Variants in ENGASE observed in about 807,000 individuals in gnomAD.
ENGASE encodes the protein cytosolic endo-beta-N-acetylglucosaminidase.
Under a neutral mutation model 78.5 loss-of-function variants are expected in ENGASE, and 69 were observed. The observed-to-expected ratio is 0.88, with a 90% CI of 0.72 to 1.07. The LOEUF (loss-of-function observed/expected upper bound fraction) is 1.07. Among genes scored for constraint, ENGASE ranks in the 50% least tolerant of loss-of-function variants. The pLI, the probability that ENGASE is intolerant of heterozygous loss-of-function variation, is 0.00. For synonymous variants in ENGASE, 408 were observed against 408.9 expected, an observed-to-expected ratio of 1.00 and a Z score of 0.03; for missense variants, 943 against 988.4, an observed-to-expected ratio of 0.95 and a Z score of 0.62.
At chr17:79,078,499 G>C (rs553307487) in intron 3 of ENGASE, among the ~76,000 whole-genome samples, 3 of 152,098 alleles carry the variant, frequency 2.0e-5, no homozygotes, top group Non-Finnish European at 4.4e-5. Flanking sequence ...CTGCCTGTCC[G>C]CAGCCTCACC....
intron 4 of ENGASE, 98 bp from the exon 5 acceptor site, chr17:79,080,109 G>GAT: frequency 7.5e-7 from 1 of 1,326,030 alleles, no homozygotes; most frequent in Non-Finnish European, 1.0e-6. Context: ...GTGGTCAGGT[G>GAT]ATACTGAAGC....
chr17:79,075,675 C>G (rs2145965106), intron 1 of ENGASE: 2 of 985,416 alleles, frequency 2.0e-6, no homozygotes, highest in Non-Finnish European at 2.4e-6. Flanking sequence ...GTAAACTCCC[C>G]CTCAGTAGGT....
intron 7 of ENGASE, 47 bp downstream of exon 7, chr17:79,082,110 T>G: frequency 6.2e-7 from 1 of 1,613,984 alleles, no homozygotes; most frequent in Non-Finnish European, 8.5e-7. Flanking sequence ...GTGCCTCCCC[T>G]GGGACCTCAT....
Position 79,081,042 on chromosome 17 carries a change from A to T in ENGASE, c.841A>T (p.Lys281Ter). 3 of 1,611,744 alleles carry T rather than the reference A, an allele frequency of 1.9e-6. No homozygotes were observed. The highest frequency in any genetic ancestry group is 2.5e-6 in the Non-Finnish European group (3 of 1,179,736). Reference sequence around the variant, plus strand: ...CAGCGTGGTGCAAAGTGGGCAGCTCAAATGGCAAGACGAACTCAACCAGCA... The same window carrying T: ...CAGCGTGGTGCAAAGTGGGCAGCTCTAATGGCAAGACGAACTCAACCAGCA... Reference protein sequence around the residue: ...YDSVVQSGQLKWQDELNQHNR... With the variant: ...YDSVVQSGQL The change falls in exon 6 of 14, where the codon AAA (lysine) becomes TAA (stop). Residue 281 changes from lysine (K) to a stop codon, truncating the protein, a stop_gained. Coordinates refer to ENST00000579016, the MANE Select transcript of ENGASE (RefSeq NM_001042573.3). LOFTEE classifies it high-confidence loss of function.
intron 3 of ENGASE, 40 bp downstream of exon 3, chr17:79,077,904 C>T: frequency 6.5e-7 from 1 of 1,538,046 alleles, no homozygotes; most frequent in Non-Finnish European, 8.8e-7. Flanking sequence ...TTACATTGTT[C>T]TCCTTTGCTG....
chr17:79,085,997 T>C lies in ENGASE; in HGVS notation c.1880T>C (p.Ile627Thr), dbSNP rs776776729. 1.2e-6 allele frequency: 2 copies of C among 1,610,778 alleles called. No individual in the cohort carries two copies. The highest frequency in any genetic ancestry group is 4.5e-5 in the East Asian group (2 of 44,860). Reference protein sequence around the residue: ...PQVQAVTISHIRWQPSASERE... With the variant: ...PQVQAVTISHTRWQPSASERE... The stretch of plus-strand genomic sequence containing the variant: ...GTGCAGGCCGTCACCATCTCTCACA[T>C]CCGCTGGCAGCCATCCGCCTCTGAG... Residue 627 changes from isoleucine to threonine, a missense_variant, in exon 14 of 14, where the codon ATC becomes ACC. Physicochemically the swap from Ile to Thr is moderately conservative, Grantham distance 89. Coordinates refer to ENST00000579016, the MANE Select transcript of ENGASE (RefSeq NM_001042573.3).
intron 7 of ENGASE, chr17:79,082,789 C>G (rs74001528): frequency 6.7e-7 from 1 of 1,482,380 alleles, no homozygotes; most frequent in Non-Finnish European, 9.0e-7. Context: ...CCCCTGCCCC[C>G]CTGCCCTTGC....
chr17:79,075,356 C>T (rs2072943731), intron 1 of ENGASE, among the ~76,000 whole-genome samples: 2 of 152,224 alleles, frequency 1.3e-5, no homozygotes, highest in Non-Finnish European at 2.9e-5. Context: ...CGAGTGGCCG[C>T]GGGGCCCAGC....
chr17:79,083,908 G>A lies in ENGASE; in HGVS notation c.1399G>A (p.Val467Ile), dbSNP rs202119017. 117 of 1,611,640 alleles carry A rather than the reference G, an allele frequency of 7.3e-5. No homozygotes were observed. The highest frequency in any genetic ancestry group is 1.9e-4 in the Middle Eastern group (1 of 5,208). Residue 467 changes from valine (V) to isoleucine (I), a missense_variant, in exon 10 of 14, where the codon GTC (valine) becomes ATC (isoleucine). Coordinates refer to ENST00000579016, the MANE Select transcript of ENGASE (RefSeq NM_001042573.3). The surrounding 1 kb of genome is among the most constrained non-coding windows in gnomAD (Gnocchi z 4.9). Reference sequence around the variant, plus strand: ...CTGGCACGGAGGCAGCTCCCTGCTCGTCCGGGGTGTGATCCCACCGGAGGT... The same window carrying A: ...CTGGCACGGAGGCAGCTCCCTGCTCATCCGGGGTGTGATCCCACCGGAGGT... ...DAWHGGSSLLVRGVIPPEVGN... is the reference protein window; with the variant it reads ...DAWHGGSSLLIRGVIPPEVGN...
rs201536028 is a variant in ENGASE, at chr17:79,080,350, G to C, written c.709G>C (p.Glu237Gln). 3.7e-6 allele frequency: 6 copies of C among 1,613,250 alleles called. No homozygotes were observed. The highest frequency in any genetic ancestry group is 5.1e-6 in the Non-Finnish European group (6 of 1,179,956). Residue 237 changes from glutamate to glutamine, a missense_variant, in exon 5 of 14, where the codon GAG (glutamate) becomes CAG (glutamine). By Grantham distance (29) the Glu-to-Gln change is conservative. Transcript: ENST00000579016. The stretch of plus-strand genomic sequence containing the variant: ...TTTTGATGGCTGGCTGATCAACATC[G>C]AGAACTCGCTGAGTGTGAGTGCCCA... ...FRFDGWLINIENSLSLAAVGN... is the reference protein window; with the variant it reads ...FRFDGWLINIQNSLSLAAVGN...
chr17:79,081,594 CCCTGGGGAACAGGCCATATCCTAGGT>C (rs1297614041), intron 6 of ENGASE, among the ~76,000 whole-genome samples: 2 of 152,026 alleles, frequency 1.3e-5, no homozygotes, highest in Non-Finnish European at 2.9e-5. Context: ...TGCTCGCTGC[CCCTGGGGAACAGGCCATATCCTAGGT>C]CCTGGAGGCA....
In ENGASE at chr17:79,080,214, C is replaced by A; in HGVS notation, c.573C>A (p.Phe191Leu). 6.3e-7 allele frequency: 1 copy of A among 1,598,960 alleles called. No individual in the cohort carries two copies. The highest frequency in any genetic ancestry group is 8.5e-7 in the Non-Finnish European group (1 of 1,171,538). Residue 191 changes from phenylalanine to leucine, a missense_variant, in exon 5 of 14, where the codon TTC (phenylalanine) becomes TTA (leucine). By Grantham distance (22) the Phe-to-Leu change is conservative. Coordinates refer to ENST00000579016, the MANE Select transcript of ENGASE (RefSeq NM_001042573.3). ...TCTCTCCTATCCTCACAGGGACTTT[C>A]ATCACGGAGTGGAATGAAGGGGGAA... ...HRHGVCVLGT[F>L]ITEWNEGGRL...
chr17:79,074,965 G>A lies in ENGASE; in HGVS notation c.21G>A (p.Thr7=), dbSNP rs768914604. ...GTGTCATGGAGGCCGCGGCGGTGACGGTCACCCGGTCGGCTACACGGCGGC... is the reference window on the plus strand; with the variant it reads ...GTGTCATGGAGGCCGCGGCGGTGACAGTCACCCGGTCGGCTACACGGCGGC... MEAAAV[T]VTRSATRRRR... The change falls in exon 1 of 14, where the codon ACG becomes ACA. Residue 7 remains threonine (T), a synonymous_variant. Coordinates refer to ENST00000579016, the MANE Select transcript of ENGASE (RefSeq NM_001042573.3). 2.4e-5 allele frequency: 30 copies of A among 1,249,784 alleles called. No individual in the cohort carries two copies. The highest frequency in any genetic ancestry group is 2.9e-5 in the Non-Finnish European group (29 of 997,698). The allele number at this position is 1,249,784 out of a possible 1,614,324, so 77.4% of individuals were successfully genotyped here. A position where few individuals can be genotyped will look rare whatever the true frequency, so the allele number is the denominator to read the frequency against.
Position 79,080,372 on chromosome 17 carries a change from C to A in ENGASE, c.723+8C>A. The stretch of plus-strand genomic sequence containing the variant: ...ATCGAGAACTCGCTGAGTGTGAGTG[C>A]CCAGCCCTCACCCACCTCCCCGCCC... On this transcript the variant is annotated splice_region_variant and intron_variant, in intron 5 of 13. Transcript: ENST00000579016. The A allele has an allele frequency of 1.2e-6, 2 of 1,611,850 alleles. No individual in the cohort carries two copies. The highest frequency in any genetic ancestry group is 1.7e-6 in the Non-Finnish European group (2 of 1,179,812).
At chr17:79,076,289 A>T (rs2072966678) in intron 1 of ENGASE, among the ~76,000 whole-genome samples, 1 of 152,228 alleles carries the variant, frequency 6.6e-6, no homozygotes, top group Non-Finnish European at 1.5e-5. Context: ...TTTTTAGGCC[A>T]GGCATGGTGG....
chr17:79,075,186 G>C (rs947694915), intron 1 of ENGASE, 96 bp downstream of exon 1: 1 of 1,167,664 alleles, frequency 8.6e-7, no homozygotes, highest in Non-Finnish European at 1.1e-6. Context: ...GCCGAGGGGC[G>C]GGGGGCCGGC....
chr17:79,081,231 A>G (rs1362389659), intron 6 of ENGASE, among the ~76,000 whole-genome samples, 158 bp downstream of exon 6: 2 of 152,210 alleles, frequency 1.3e-5, no homozygotes, highest in Non-Finnish European at 2.9e-5. Context: ...GGCCAGGCGC[A>G]GTGGCTCATG....
chr17:79,077,361 C>T (rs2072992530), intron 1 of ENGASE, 69 bp from the exon 2 acceptor site: 1 of 1,361,612 alleles, frequency 7.3e-7, no homozygotes, highest in African/African-American at 1.5e-5. Context: ...GAAACTGGTC[C>T]ATTTGCTTCT....
At chr17:79,081,520 T>C (rs1372910181) in intron 6 of ENGASE, among the ~76,000 whole-genome samples, 1 of 152,004 alleles carries the variant, frequency 6.6e-6, no homozygotes, top group Non-Finnish European at 1.5e-5. Flanking sequence ...AGAGTTCTCT[T>C]AACATCCTGA....
Sources: gnomAD v4.1 joint callset for allele counts (sites outside exome capture counted in the v4.1 genomes callset) on GRCh38, gnomAD v4.1.1 for gene constraint, Gnocchi (gnomAD v3.1) non-coding constraint, MANE v1.5 for transcripts, NCBI Gene and HGNC (gene_info 2026-07-23, HGNC 2026-07-21) for gene names.